Variants in SAP130 observed in about 807,000 individuals in gnomAD.
The protein encoded by SAP130 is histone deacetylase complex subunit SAP130.
A neutral mutation model predicts 103.2 loss-of-function variants in SAP130; 16 were observed. The ratio of observed to expected loss-of-function variants is 0.16; its 90% CI spans 0.10 to 0.24. SAP130 has a LOEUF of 0.24. Among genes scored for constraint, SAP130 ranks in the 10% least tolerant of loss-of-function variants. SAP130 has a pLI of 1.00. For missense variants in SAP130, 990 were observed against 1,359.7 expected, an observed-to-expected ratio of 0.73 and a Z score of 4.28; for synonymous variants, 477 against 497.0, an observed-to-expected ratio of 0.96 and a Z score of 0.53.
rs1682370206 is a variant in SAP130, at chr2:127,986,145, T to C, written c.1958+640A>G. 6.6e-6 allele frequency among the ~76,000 whole-genome samples: 1 copy of C among 152,230 alleles called. No individual in the cohort carries two copies. The highest frequency in any genetic ancestry group is 2.4e-5 in the African/African-American group (1 of 41,460). On this transcript the variant is annotated intron_variant, in intron 14 of 20. Coordinates refer to ENST00000643581, the MANE Select transcript of SAP130 (RefSeq NM_001330301.2). This position sits in a 1 kb window ranked among gnomAD's most constrained non-coding sequence, Gnocchi z 4.7. Reference sequence around the variant, plus strand: ...GAACCCTGGGATACAGAAAGCTCTCTGTCCTTGCCATAAGGCAGGGGTCTA... The same window carrying C: ...GAACCCTGGGATACAGAAAGCTCTCCGTCCTTGCCATAAGGCAGGGGTCTA...
At chr2:127,983,228 A>G (rs1682087141) in intron 14 of SAP130, among the ~76,000 whole-genome samples, 1 of 152,236 alleles carries the variant, frequency 6.6e-6, no homozygotes, top group African/African-American at 2.4e-5. Context: ...ACTACTGAGC[A>G]ACTGAAATGT....
At chr2:128,024,006 A>G (rs931138392) in intron 2 of SAP130, among the ~76,000 whole-genome samples, 1 of 152,190 alleles carries the variant, frequency 6.6e-6, no homozygotes, top group Non-Finnish European at 1.5e-5. Flanking sequence ...AAGTAAGTAT[A>G]TGGAAAGAAA....
intron 14 of SAP130, among the ~76,000 whole-genome samples, chr2:127,985,901 G>A (rs552319651): frequency 2.0e-5 from 3 of 151,994 alleles, no homozygotes; most frequent in African/African-American, 7.2e-5. Context: ...GACAGCAAGG[G>A]GAGCATGCCG....
At chr2:127,998,651 G>A (rs143946219) in intron 10 of SAP130, among the ~76,000 whole-genome samples, 20 of 152,332 alleles carry the variant, frequency 1.3e-4, no homozygotes, top group Admixed American at 5.9e-4. Context: ...ATGTATGTAC[G>A]TTTCCTGGTA....
intron 15 of SAP130, among the ~76,000 whole-genome samples, chr2:127,977,280 A>G (rs906870191): frequency 4.8e-5 from 7 of 146,608 alleles, no homozygotes; most frequent in African/African-American, 1.8e-4. Context: ...AATTGAGGTC[A>G]GGAGTTTGAG....
chr2:128,002,458 G>C (rs969552672), intron 7 of SAP130, among the ~76,000 whole-genome samples: 1 of 152,080 alleles, frequency 6.6e-6, no homozygotes, highest in Non-Finnish European at 1.5e-5. Context: ...GAACCTGGGA[G>C]GCAGAGGTTG....
At chr2:127,992,718 G>A (rs1326871318) in intron 12 of SAP130, among the ~76,000 whole-genome samples, 2 of 152,200 alleles carry the variant, frequency 1.3e-5, no homozygotes, top group African/African-American at 2.4e-5. Context: ...ATGATGAGAG[G>A]AGAGCATAAC....
chr2:127,959,384 C>T (rs1392031532), intron 15 of SAP130, among the ~76,000 whole-genome samples: 2 of 152,196 alleles, frequency 1.3e-5, no homozygotes, highest in Admixed American at 1.3e-4. Flanking sequence ...AGTGAAACGT[C>T]ACAGAAACAA....
intron 16 of SAP130, among the ~76,000 whole-genome samples, chr2:127,952,165 T>C (rs185379289): frequency 1.1e-4 from 17 of 152,224 alleles, no homozygotes; most frequent in African/African-American, 2.9e-4. Context: ...CTTAAAAAAA[T>C]CTTCTTCTTG....
rs566323985 is a variant in SAP130 at position 127,945,595 on chromosome 2, G to A, written c.2798-36C>T. ...AAAAAATAAAAATACATGTATTTCA[G>A]TGTTTAAAAAGGTAAATGATTTGTG... On this transcript the variant is annotated intron_variant, in intron 18 of 20. Transcript: ENST00000643581. 5.4e-5 allele frequency: 67 copies of A among 1,235,948 alleles called. No individual in the cohort carries two copies. In the South Asian group the frequency reaches 7.8e-4, roughly 14 times the overall value. The allele number at this position is 1,235,948 out of a possible 1,614,324, so 76.6% of individuals were successfully genotyped here. A position where few individuals can be genotyped will look rare whatever the true frequency, so the allele number is the denominator to read the frequency against.
At chr2:127,969,689 G>C (rs1680926649) in intron 15 of SAP130, among the ~76,000 whole-genome samples, 1 of 152,192 alleles carries the variant, frequency 6.6e-6, no homozygotes, top group African/African-American at 2.4e-5. Flanking sequence ...TCCTCTCCCA[G>C]CTTCTGGTGG....
At chr2:128,001,281 A>G (rs6430962) in intron 7 of SAP130, among the ~76,000 whole-genome samples, 113,985 of 152,136 alleles carry the variant, frequency 0.75, 42,942 homozygotes, top group East Asian at 0.84. Context: ...AGCTCACACC[A>G]GTAATCCCAG....
Position 128,026,235 on chromosome 2 carries a change from G to A in SAP130, c.58C>T (p.Pro20Ser). The change falls in exon 2 of 21, where the codon CCT (proline) becomes TCT (serine). Residue 20 changes from proline (P) to serine (S), a missense_variant. Coordinates refer to ENST00000643581, the MANE Select transcript of SAP130 (RefSeq NM_001330301.2). ...GAPSTGLSQA[P>S]SQIANSGSAG... ...GAACCACTGTTTGCAATCTGAGAAG[G>A]GGCCTGGCTCAGCCCGGTAGAAGGG... 1 of 1,614,114 alleles carries A rather than the reference G, an allele frequency of 6.2e-7. No individual in the cohort carries two copies. Among genetic ancestry groups the A allele is most frequent in the Non-Finnish European group, 8.5e-7 (1 of 1,180,022 alleles).
At chr2:127,967,216 T>G (rs745610317) in intron 15 of SAP130, among the ~76,000 whole-genome samples, 3 of 152,184 alleles carry the variant, frequency 2.0e-5, no homozygotes, top group Non-Finnish European at 4.4e-5. Flanking sequence ...TGAACAACAA[T>G]GTACATTTTA....
intron 18 of SAP130, among the ~76,000 whole-genome samples, chr2:127,947,800 G>GTGTGTGTGTT (rs1178153149): frequency 6.6e-6 from 1 of 151,534 alleles, no homozygotes; most frequent in East Asian, 1.9e-4. Flanking sequence ...GTGTGTGTGT[G>GTGTGTGTGTT]TTTTGAGACG....
intron 2 of SAP130, among the ~76,000 whole-genome samples, chr2:128,018,543 G>A (rs1489237029): frequency 1.4e-5 from 2 of 147,484 alleles, no homozygotes; most frequent in Non-Finnish European, 3.0e-5. Context: ...TGCAATCCTA[G>A]CATTTTGAGA....
intron 15 of SAP130, among the ~76,000 whole-genome samples, chr2:127,966,617 C>T (rs753833892): frequency 6.6e-6 from 1 of 152,022 alleles, no homozygotes; most frequent in African/African-American, 2.4e-5. Flanking sequence ...GCAGGAGAAT[C>T]GCTTGAACCC....
intron 18 of SAP130, among the ~76,000 whole-genome samples, chr2:127,948,507 T>C (rs940061820): frequency 6.6e-6 from 1 of 151,548 alleles, no homozygotes; most frequent in Non-Finnish European, 1.5e-5. Flanking sequence ...GCCTGGCTAA[T>C]TTTTTTGTGT....
chr2:127,977,956 A>T (rs997208323), intron 15 of SAP130, 29 bp downstream of exon 15: 1 of 1,469,448 alleles, frequency 6.8e-7, no homozygotes, highest in African/African-American at 1.4e-5. Flanking sequence ...GGGTAAAAGC[A>T]AGAGTGCGAA....
Sources: gnomAD v4.1 joint callset for allele counts (sites outside exome capture counted in the v4.1 genomes callset) on GRCh38, gnomAD v4.1.1 for gene constraint, Gnocchi (gnomAD v3.1) non-coding constraint, MANE v1.5 for transcripts, NCBI Gene and HGNC (gene_info 2026-07-23, HGNC 2026-07-21) for gene names.